The following NHEJ1 variants were observed in gnomAD, a reference collection of about 807,000 sequenced individuals.
NHEJ1 encodes non-homologous end joining factor 1.
NHEJ1 carries 22 observed loss-of-function variants against 39.4 expected under a neutral mutation model. The observed-to-expected ratio is 0.56, with a 90% CI of 0.40 to 0.80. The LOEUF (loss-of-function observed/expected upper bound fraction) is 0.80, where lower values mean the gene tolerates loss of function less well. Ranked by LOEUF, NHEJ1 falls within the 30% of genes least tolerant of loss-of-function variation. The pLI is 0.00. For synonymous variants in NHEJ1, 154 were observed against 135.6 expected, an observed-to-expected ratio of 1.14 and a Z score of -0.94; for missense variants, 329 against 357.1, an observed-to-expected ratio of 0.92 and a Z score of 0.63.
intron 5 of NHEJ1, among the ~76,000 whole-genome samples, chr2:219,137,169 T>C (rs537030662): frequency 3.3e-5 from 5 of 151,502 alleles, no homozygotes; most frequent in African/African-American, 7.3e-5. Flanking sequence ...AAACAAAATA[T>C]AGTTGAGAAA....
intron 5 of NHEJ1, among the ~76,000 whole-genome samples, chr2:219,096,720 A>T (rs1342246768): frequency 1.3e-5 from 2 of 152,210 alleles, no homozygotes; most frequent in Non-Finnish European, 2.9e-5. Flanking sequence ...AGCAGAGGGC[A>T]TAAGACAGGA....
At chr2:219,110,777 C>T (rs952962440) in intron 5 of NHEJ1, among the ~76,000 whole-genome samples, 1 of 152,022 alleles carries the variant, frequency 6.6e-6, no homozygotes, top group Non-Finnish European at 1.5e-5. Flanking sequence ...TGAGAAGGTC[C>T]TGAGGTGGGG....
At chr2:219,139,699 C>T (rs1949671758) in intron 5 of NHEJ1, among the ~76,000 whole-genome samples, 1 of 152,144 alleles carries the variant, frequency 6.6e-6, no homozygotes, top group Admixed American at 6.5e-5. Context: ...TTTTCTGAGA[C>T]AGAGTCTCGC....
intron 3 of NHEJ1, among the ~76,000 whole-genome samples, chr2:219,153,693 G>GA (rs1553549097): frequency 1.7e-5 from 1 of 57,420 alleles, no homozygotes; most frequent in Admixed American, 1.4e-4. Context: ...AGAAAGAAAA[G>GA]GGGGGGGGGG....
chr2:219,077,038 G>A (rs576696565), intron 7 of NHEJ1, among the ~76,000 whole-genome samples: 1 of 152,258 alleles, frequency 6.6e-6, no homozygotes, highest in East Asian at 1.9e-4. Flanking sequence ...CACATCATTC[G>A]TACAAGACCT....
chr2:219,134,636 A>G (rs1949607696), intron 5 of NHEJ1, among the ~76,000 whole-genome samples: 3 of 152,158 alleles, frequency 2.0e-5, no homozygotes, highest in Admixed American at 2.0e-4. Flanking sequence ...TTCTTTGTAG[A>G]AGATTCTCAA....
chr2:219,133,740 T>G (rs1241202454), intron 5 of NHEJ1, among the ~76,000 whole-genome samples: 1 of 152,212 alleles, frequency 6.6e-6, no homozygotes, highest in Non-Finnish European at 1.5e-5. Flanking sequence ...CTTTAAAAAT[T>G]ATTGGATGAA....
chr2:219,091,964 T>C (rs1043504482), intron 5 of NHEJ1, among the ~76,000 whole-genome samples: 1 of 152,200 alleles, frequency 6.6e-6, no homozygotes, highest in South Asian at 2.1e-4. Flanking sequence ...CAAGAACTTT[T>C]TACTTGACAC....
At chr2:219,096,778 G>C (rs1488091994) in intron 5 of NHEJ1, among the ~76,000 whole-genome samples, 1 of 152,202 alleles carries the variant, frequency 6.6e-6, no homozygotes, top group Non-Finnish European at 1.5e-5. Flanking sequence ...AATGTAGCTA[G>C]AGTGAAGTGA....
At chr2:219,135,119 A>G (rs1431043236) in intron 5 of NHEJ1, among the ~76,000 whole-genome samples, 15 of 152,038 alleles carry the variant, frequency 9.9e-5, no homozygotes, top group Admixed American at 9.8e-4. Flanking sequence ...CTAATTATAA[A>G]TAAGCCACTG....
intron 5 of NHEJ1, among the ~76,000 whole-genome samples, chr2:219,145,151 G>A (rs1160888315): frequency 6.6e-6 from 1 of 152,186 alleles, no homozygotes; most frequent in Admixed American, 6.5e-5. Context: ...GGAAAGGGAT[G>A]TTGCAGTGAG....
chr2:219,145,712 C>T (rs539537610), intron 5 of NHEJ1, among the ~76,000 whole-genome samples: 1 of 152,086 alleles, frequency 6.6e-6, no homozygotes, highest in African/African-American at 2.4e-5. Context: ...GGTGGGTGGT[C>T]ACCTGAGGTC....
chr2:219,083,813 C>A (rs1949087877), intron 5 of NHEJ1, among the ~76,000 whole-genome samples: 1 of 152,110 alleles, frequency 6.6e-6, no homozygotes, highest in African/African-American at 2.4e-5. Flanking sequence ...TCAAGAAGTG[C>A]CCTAATGATA....
At chr2:219,107,900 A>G (rs1949328543) in intron 5 of NHEJ1, among the ~76,000 whole-genome samples, 1 of 151,734 alleles carries the variant, frequency 6.6e-6, no homozygotes, top group Admixed American at 6.6e-5. Flanking sequence ...TGCCCCACCA[A>G]CACTAGGAAA....
chr2:219,159,542 T>TATATGCATATATATATGC (rs1553549804), intron 1 of NHEJ1, among the ~76,000 whole-genome samples: 6 of 34,312 alleles, frequency 1.7e-4, no homozygotes, highest in Admixed American at 1.1e-3. Context: ...TATATGCATA[T>TATATGCATATATATATGC]ATATATATGC....
At chr2:219,122,678 A>C (rs1192039932) in intron 5 of NHEJ1, among the ~76,000 whole-genome samples, 1 of 152,168 alleles carries the variant, frequency 6.6e-6, no homozygotes, top group Non-Finnish European at 1.5e-5. Flanking sequence ...AGACTCCAGG[A>C]AATAGGGTTA....
chr2:219,109,644 C>CT (rs1401030338), intron 5 of NHEJ1, among the ~76,000 whole-genome samples: 1 of 151,978 alleles, frequency 6.6e-6, no homozygotes, highest in African/African-American at 2.4e-5. Flanking sequence ...GGGCTGGTGT[C>CT]TGGCAGAGAA....
chr2:219,118,295 T>C (rs1159943229), intron 5 of NHEJ1, among the ~76,000 whole-genome samples: 2 of 152,176 alleles, frequency 1.3e-5, no homozygotes, highest in Non-Finnish European at 2.9e-5. Flanking sequence ...TCACGAAATG[T>C]TGGGCTGCCC....
intron 5 of NHEJ1, among the ~76,000 whole-genome samples, chr2:219,135,249 A>C (rs907492151): frequency 1.3e-5 from 2 of 152,184 alleles, no homozygotes; most frequent in African/African-American, 4.8e-5. Flanking sequence ...AAATCTTCAC[A>C]AAAAGCTCTG....
Sources: allele counts gnomAD v4.1 joint callset (sites outside exome capture counted in the v4.1 genomes callset), GRCh38; gene constraint gnomAD v4.1.1; transcripts MANE v1.5; gene names NCBI Gene and HGNC (gene_info 2026-07-23, HGNC 2026-07-21).